Variants in LRRC23 observed in about 807,000 individuals in gnomAD.
LRRC23 encodes leucine rich repeat containing 23, also known as leucine-rich repeat-containing protein 23.
In LRRC23, 28 loss-of-function variants were observed where a neutral mutation model predicts 37.7. The observed-to-expected ratio is 0.74, with a 90% CI of 0.55 to 1.02. The LOEUF (loss-of-function observed/expected upper bound fraction) is 1.02, where lower values mean the gene tolerates loss of function less well. Among genes scored for constraint, LRRC23 ranks in the 50% least tolerant of loss-of-function variants. The pLI, the probability that LRRC23 is intolerant of heterozygous loss-of-function variation, is 0.00. For missense variants in LRRC23, 377 were observed against 413.2 expected (o/e 0.91, Z 0.76); for synonymous variants, 161 against 165.4 (o/e 0.97, Z 0.20).
At chr12:6,907,513 T>C (rs1555139835) in intron 5 of LRRC23, 68 bp downstream of exon 5, 2 of 1,473,256 alleles carry the variant, frequency 1.4e-6, no homozygotes, top group Admixed American at 1.7e-5. Flanking sequence ...ATGCCTGCTT[T>C]CTAGTAGGCT....
intron 7 of LRRC23, 31 bp from the exon 8 acceptor site, chr12:6,913,860 G>T: frequency 6.6e-7 from 1 of 1,516,468 alleles, no homozygotes; most frequent in Non-Finnish European, 8.9e-7. Context: ...ACAGCGCCTG[G>T]TCCCTATTTA....
At chr12:6,908,609 A>AAAAAAAAAAC (rs1945010009) in intron 5 of LRRC23, among the ~76,000 whole-genome samples, 3 of 120,826 alleles carry the variant, frequency 2.5e-5, no homozygotes, top group African/African-American at 1.1e-4. Flanking sequence ...AAAAAAAAAA[A>AAAAAAAAAAC]AAAAAAAAAA....
chr12:6,913,757 G>A (rs1281419878), intron 7 of LRRC23, 134 bp from the exon 8 acceptor site: 2 of 615,486 alleles, frequency 3.2e-6, no homozygotes, highest in Non-Finnish European at 2.7e-6. Flanking sequence ...TAGAAACGGG[G>A]TTTCACCACG....
chr12:6,911,114 A>C (rs1469508090), intron 6 of LRRC23, among the ~76,000 whole-genome samples: 2 of 152,188 alleles, frequency 1.3e-5, no homozygotes, highest in Admixed American at 6.5e-5. Flanking sequence ...GATTAAAAAA[A>C]CACAAGATGT....
intron 7 of LRRC23, among the ~76,000 whole-genome samples, chr12:6,913,569 T>TTTG (rs1945238312): frequency 1.5e-5 from 2 of 129,456 alleles, no homozygotes; most frequent in South Asian, 2.7e-4. Context: ...TTTTTTTTTT[T>TTTG]TTTTTTTTTT....
chr12:6,905,273 G>C, intron 1 of LRRC23, 198 bp downstream of exon 1: 1 of 230,346 alleles, frequency 4.3e-6, no homozygotes, highest in South Asian at 5.1e-5. Context: ...GGAGAGCATG[G>C]CTTAAGGGGG....
intron 6 of LRRC23, among the ~76,000 whole-genome samples, chr12:6,910,833 CT>C (rs1376243888): frequency 6.6e-6 from 1 of 151,848 alleles, no homozygotes; most frequent in Non-Finnish European, 1.5e-5. Context: ...TGGAGGATCA[CT>C]TGAGCCCAGG....
chr12:6,913,012 CT>C lies in LRRC23; in HGVS notation c.*10del. 1 of 1,612,826 alleles carries C rather than the reference CT, an allele frequency of 6.2e-7. No homozygotes were observed. The highest frequency in any genetic ancestry group is 8.5e-7 in the Non-Finnish European group (1 of 1,179,608). ...AACAGTCATTGATCTAGCAGCAGTT[CT>C]AGCCTCTAAAGATAGTAAGGAAGCC... On this transcript the variant is annotated 3_prime_UTR_variant, in exon 7 of 8. Coordinates refer to ENST00000443597, the MANE Select transcript of LRRC23 (RefSeq NM_001135217.2).
chr12:6,909,760 C>G (rs1945112912), intron 5 of LRRC23, 130 bp from the exon 6 acceptor site: 2 of 789,846 alleles, frequency 2.5e-6, no homozygotes, highest in Middle Eastern at 2.9e-4. Flanking sequence ...CTCTACTCAC[C>G]CCCACTCCTT....
intron 5 of LRRC23, among the ~76,000 whole-genome samples, chr12:6,908,166 C>A (rs1243274230): frequency 1.3e-5 from 2 of 152,102 alleles, no homozygotes; most frequent in Admixed American, 1.3e-4. Context: ...AGATGCATCA[C>A]CCTCCAAAAG....
At chr12:6,906,686 CA>C in intron 4 of LRRC23, 24 bp downstream of exon 4, 2 of 1,609,808 alleles carry the variant, frequency 1.2e-6, no homozygotes, top group Non-Finnish European at 1.7e-6. Context: ...ATGGGCTACA[CA>C]AGATTCTTTC....
rs143139220 is a variant in LRRC23, at chr12:6,912,240, C to T, written c.759-490C>T. 2.2e-3 allele frequency among the ~76,000 whole-genome samples: 334 copies of T among 152,190 alleles called. 1 individual carries two copies. Among genetic ancestry groups the T allele is most frequent in the Non-Finnish European group, 3.2e-3 (219 of 68,010 alleles). ...TCTCGGCTCACTGTAATCTCAAACT[C>T]CTGGGGTCAAGCAATCCCTCCTCCT... On this transcript the variant is annotated intron_variant, in intron 6 of 7. Coordinates refer to ENST00000443597, the MANE Select transcript of LRRC23 (RefSeq NM_001135217.2).
intron 4 of LRRC23, chr12:6,906,896 T>C (rs1555139716): frequency 3.6e-6 from 2 of 561,528 alleles, no homozygotes; most frequent in Admixed American, 6.6e-5. Flanking sequence ...GACAAACAAG[T>C]AACAACAAAC....
At chr12:6,906,023 T>C (rs1677057840) in intron 3 of LRRC23, 69 bp downstream of exon 3, 5 of 1,326,588 alleles carry the variant, frequency 3.8e-6, no homozygotes, top group Non-Finnish European at 5.4e-6. Context: ...CCACTGTCAT[T>C]CCTGGGTGTT....
chr12:6,912,870 A>G lies in LRRC23; in HGVS notation c.899A>G (p.Glu300Gly). The G allele has an allele frequency of 6.2e-7, 1 of 1,614,120 alleles. No homozygotes were observed. Among genetic ancestry groups the G allele is most frequent in the South Asian group, 1.1e-5 (1 of 91,068 alleles). Residue 300 changes from glutamate to glycine, a missense_variant, in exon 7 of 8, where the codon GAA becomes GGA. By Grantham distance (98) the Glu-to-Gly change is moderately conservative. Around this residue, in one of 3 missense-constraint regions of LRRC23, gnomAD observed 266 missense variants for 285.6 expected, o/e 0.93. Coordinates refer to ENST00000443597, the MANE Select transcript of LRRC23 (RefSeq NM_001135217.2). ...QEALVQMPYL[E>G]RLDKEFYEEE... ...GCCCTGGTGCAGATGCCATACCTTG[A>G]ACGCCTGGACAAGGAATTCTATGAG...
Position 6,914,208 on chromosome 12 carries a change from C to G in LRRC23, c.*342C>G. Reference sequence around the variant, plus strand: ...GAAGGCGGCTGGGGTGTTCGGATTTCCAATAAAGAAACAGAGTGATGCTCC... The same window carrying G: ...GAAGGCGGCTGGGGTGTTCGGATTTGCAATAAAGAAACAGAGTGATGCTCC... On this transcript the variant is annotated 3_prime_UTR_variant, in exon 8 of 8. Coordinates refer to ENST00000443597, the MANE Select transcript of LRRC23 (RefSeq NM_001135217.2). This position sits in a 1 kb window ranked among gnomAD's most constrained non-coding sequence, Gnocchi z 7.1. 1 of 716,066 alleles carries G rather than the reference C, an allele frequency of 1.4e-6. No homozygotes were observed. The highest frequency in any genetic ancestry group is 2.8e-5 in the East Asian group (1 of 35,186). The allele number at this position is 716,066 out of a possible 1,614,324, so 44.4% of individuals were successfully genotyped here.
At chr12:6,913,265 C>G in intron 7 of LRRC23, 1 of 478,260 alleles carries the variant, frequency 2.1e-6, no homozygotes, top group South Asian at 2.7e-5. Flanking sequence ...GGGTGGCAGG[C>G]AGAGGAGTTG....
chr12:6,905,383 T>G, intron 1 of LRRC23: 5 of 359,856 alleles, frequency 1.4e-5, no homozygotes, highest in Non-Finnish European at 2.1e-5. Flanking sequence ...GGCCTGGGGG[T>G]GTGGGTGACA....
In LRRC23 at chr12:6,913,108, C is replaced by T. The variant is rs1945208814; in HGVS notation, c.*24+81C>T. On this transcript the variant is annotated intron_variant, in intron 7 of 7. Coordinates refer to ENST00000443597, the MANE Select transcript of LRRC23 (RefSeq NM_001135217.2). ...GAAGAGGCAAGAGGGGAAGCTGCTG[C>T]AGAAGGAGGTGGGAGAGGAAAGCAT... 5 of 1,395,240 alleles carry T rather than the reference C, an allele frequency of 3.6e-6. No individual in the cohort carries two copies. The South Asian group carries it at 6.5e-5, about 18-fold the overall frequency. The allele number at this position is 1,395,240 out of a possible 1,614,324, so 86.4% of individuals were successfully genotyped here. A position where few individuals can be genotyped will look rare whatever the true frequency, so the allele number is the denominator to read the frequency against.
Sources: allele counts gnomAD v4.1 joint callset (sites outside exome capture counted in the v4.1 genomes callset), GRCh38; gene constraint gnomAD v4.1.1; regional missense constraint gnomAD v4.1.1; non-coding constraint Gnocchi (gnomAD v3.1); transcripts MANE v1.5; gene names NCBI Gene and HGNC (gene_info 2026-07-23, HGNC 2026-07-21).